Variants in GABRB2 observed in about 807,000 individuals in gnomAD.
The protein encoded by GABRB2 is gamma-aminobutyric acid receptor subunit beta-2.
A neutral mutation model predicts 54.7 loss-of-function variants in GABRB2; 16 were observed. The observed-to-expected ratio is 0.29, with a 90% CI of 0.20 to 0.44. The LOEUF (loss-of-function observed/expected upper bound fraction) is 0.44, where lower values mean the gene tolerates loss of function less well. Ranked by LOEUF, GABRB2 falls within the 20% of genes least tolerant of loss-of-function variation. GABRB2 has a pLI of 1.00. For synonymous variants in GABRB2, 244 were observed against 233.8 expected, an observed-to-expected ratio of 1.04 and a Z score of -0.40; for missense variants, 355 against 644.0, an observed-to-expected ratio of 0.55 and a Z score of 4.86.
At chr5:161,503,480 G>A (rs904928313) in intron 3 of GABRB2, among the ~76,000 whole-genome samples, 6 of 151,954 alleles carry the variant, frequency 3.9e-5, no homozygotes, top group Admixed American at 6.6e-5. Flanking sequence ...AGGCTGAGGC[G>A]GGCAGATCAC....
chr5:161,342,444 G>A (rs2910305), intron 5 of GABRB2, among the ~76,000 whole-genome samples: 84,734 of 151,790 alleles, frequency 0.56, 25,422 homozygotes, highest in Non-Finnish European at 0.67. Context: ...ATGGAAAAGG[G>A]TTATGCAATC....
intron 3 of GABRB2, among the ~76,000 whole-genome samples, chr5:161,470,395 C>G (rs1038878533): frequency 6.6e-6 from 1 of 151,858 alleles, no homozygotes; most frequent in African/African-American, 2.4e-5. Flanking sequence ...TGTAAACATA[C>G]CCAAGATAAG....
chr5:161,422,269 T>C (rs943313911), intron 4 of GABRB2, among the ~76,000 whole-genome samples: 1 of 152,120 alleles, frequency 6.6e-6, no homozygotes, highest in African/African-American at 2.4e-5. Flanking sequence ...AGGTAAGTAC[T>C]ATATAGGTAT....
intron 3 of GABRB2, among the ~76,000 whole-genome samples, chr5:161,508,976 T>TC (rs1358266788): frequency 2.6e-5 from 4 of 151,990 alleles, no homozygotes; most frequent in Non-Finnish European, 5.9e-5. Flanking sequence ...TCTAAGCTAT[T>TC]CTGTCTTTGG....
chr5:161,310,321 A>G (rs1021351290), intron 9 of GABRB2, among the ~76,000 whole-genome samples: 13 of 152,228 alleles, frequency 8.5e-5, no homozygotes, highest in African/African-American at 2.7e-4. Context: ...AATAGAAGTT[A>G]AAAAATAGAG....
chr5:161,321,142 T>C (rs576437441), intron 9 of GABRB2, among the ~76,000 whole-genome samples: 9 of 152,012 alleles, frequency 5.9e-5, no homozygotes, highest in Non-Finnish European at 1.3e-4. Context: ...CTATGATAGA[T>C]CCCTTGAGAA....
chr5:161,533,661 T>C (rs1408996185), intron 3 of GABRB2, among the ~76,000 whole-genome samples: 1 of 152,130 alleles, frequency 6.6e-6, no homozygotes, highest in Non-Finnish European at 1.5e-5. Flanking sequence ...CTCTAAAACA[T>C]ATTTACTAAG....
At chr5:161,391,200 C>T (rs575802588) in intron 5 of GABRB2, among the ~76,000 whole-genome samples, 4 of 152,082 alleles carry the variant, frequency 2.6e-5, no homozygotes, top group Admixed American at 6.6e-5. Flanking sequence ...TCTTAAATTC[C>T]CCAGTTTTCC....
At chr5:161,435,523 C>T (rs925047683) in intron 4 of GABRB2, among the ~76,000 whole-genome samples, 3 of 152,006 alleles carry the variant, frequency 2.0e-5, no homozygotes, top group African/African-American at 7.3e-5. Flanking sequence ...TAACAGTTAA[C>T]ATTTTAAAAT....
chr5:161,395,498 C>T (rs531565972), intron 5 of GABRB2, among the ~76,000 whole-genome samples: 2 of 152,198 alleles, frequency 1.3e-5, no homozygotes, highest in East Asian at 1.9e-4. Context: ...ATCGTACTCA[C>T]CTAATGGAGC....
At position 161,366,020 on chromosome 5, in the gene GABRB2, G is replaced by T. The variant is rs181007486; in HGVS notation, c.542-29251C>A. Among the ~76,000 whole-genome samples, 1,124 of 150,078 alleles carry T rather than the reference G, an allele frequency of 7.5e-3. 22 individuals carry two copies. The highest frequency in any genetic ancestry group is 0.049 in the South Asian group (230 of 4,680). The stretch of plus-strand genomic sequence containing the variant: ...CTGGCAGATACTATTTACTTCAATT[G>T]TTCAATGAATTCGCATGAAAAGTTG... On this transcript the variant is annotated intron_variant, in intron 5 of 9. Transcript: ENST00000393959.
upstream of GABRB2, among the ~76,000 whole-genome samples, chr5:161,547,681 A>G (rs371553089): frequency 5.9e-5 from 9 of 151,918 alleles, no homozygotes; most frequent in African/African-American, 1.9e-4. Context: ...TGAGGGGGAG[A>G]TGGGACGTGG....
At chr5:161,499,724 A>G (rs1475172489) in intron 3 of GABRB2, among the ~76,000 whole-genome samples, 2 of 152,210 alleles carry the variant, frequency 1.3e-5, no homozygotes, top group Admixed American at 6.5e-5. Context: ...TAGACTGGAT[A>G]AAATAAAAGC....
chr5:161,450,342 AAG>A (rs1491201141), intron 4 of GABRB2, among the ~76,000 whole-genome samples: 3 of 152,172 alleles, frequency 2.0e-5, no homozygotes, highest in Admixed American at 2.0e-4. Flanking sequence ...TTAGAAAAAA[AAG>A]AAAAGAGGCA....
intron 4 of GABRB2, among the ~76,000 whole-genome samples, chr5:161,423,307 A>C (rs1429082314): frequency 6.6e-6 from 1 of 152,122 alleles, no homozygotes; most frequent in Non-Finnish European, 1.5e-5. Context: ...CGAGATAGGC[A>C]TACCTCCTTT....
At chr5:161,451,722 C>G (rs149825711) in intron 4 of GABRB2, among the ~76,000 whole-genome samples, 1 of 151,876 alleles carries the variant, frequency 6.6e-6, no homozygotes, top group Non-Finnish European at 1.5e-5. Flanking sequence ...GTTTTATTGA[C>G]GTGACAAACA....
chr5:161,312,845 T>A (rs771787325), intron 9 of GABRB2, among the ~76,000 whole-genome samples: 23 of 151,984 alleles, frequency 1.5e-4, no homozygotes, highest in Non-Finnish European at 2.9e-4. Context: ...AACCTCTCTA[T>A]AAAGTGCTGT....
At chr5:161,352,807 A>G (rs919453926) in intron 5 of GABRB2, among the ~76,000 whole-genome samples, 1 of 152,026 alleles carries the variant, frequency 6.6e-6, no homozygotes, top group African/African-American at 2.4e-5. Flanking sequence ...GCTGTACATA[A>G]TTTTACATAT....
intron 5 of GABRB2, among the ~76,000 whole-genome samples, chr5:161,394,144 A>G (rs2113051231): frequency 6.6e-6 from 1 of 152,186 alleles, no homozygotes; most frequent in South Asian, 2.1e-4. Flanking sequence ...AAATTACTAA[A>G]CTGATTGGAA....
Sources: gnomAD v4.1 joint callset for allele counts (sites outside exome capture counted in the v4.1 genomes callset) on GRCh38, gnomAD v4.1.1 for gene constraint, MANE v1.5 for transcripts, NCBI Gene and HGNC (gene_info 2026-07-23, HGNC 2026-07-21) for gene names.